Variants in ZNF592 observed in about 807,000 individuals in gnomAD.
The protein encoded by ZNF592 is spinocerebellar ataxia, autosomal recessive 5.
ZNF592 carries 11 observed loss-of-function variants against 80.3 expected under a neutral mutation model. The observed-to-expected ratio is 0.14, with a 90% CI of 0.09 to 0.23. The LOEUF (loss-of-function observed/expected upper bound fraction) is 0.23, where lower values mean the gene tolerates loss of function less well. Among genes scored for constraint, ZNF592 ranks in the 10% least tolerant of loss-of-function variants. The pLI, the probability that ZNF592 is intolerant of heterozygous loss-of-function variation, is 1.00. For missense variants in ZNF592, 1,420 were observed against 1,633.9 expected, an observed-to-expected ratio of 0.87 and a Z score of 2.26; for synonymous variants, 646 against 640.3, an observed-to-expected ratio of 1.01 and a Z score of -0.13.
In ZNF592 at chr15:84,752,114, T is replaced by C. The variant is rs144344968; in HGVS notation, c.-259+3450T>C. Reference sequence around the variant, plus strand: ...TATCCACGTTGCATCTCAGTCATACTGTGGTCATTTTGAATGAGATTAAAT... The same window carrying C: ...TATCCACGTTGCATCTCAGTCATACCGTGGTCATTTTGAATGAGATTAAAT... On this transcript the variant is annotated intron_variant, in intron 1 of 10. Coordinates refer to ENST00000560079, the MANE Select transcript of ZNF592 (RefSeq NM_014630.3). Among the ~76,000 whole-genome samples, 602 of 152,334 alleles carry C rather than the reference T, an allele frequency of 4.0e-3. 2 individuals are homozygous for C. Among genetic ancestry groups the C allele is most frequent in the African/African-American group, 0.014 (572 of 41,582 alleles).
At chr15:84,796,299 A>G (rs1173833016) in intron 5 of ZNF592, among the ~76,000 whole-genome samples, 2 of 128,678 alleles carry the variant, frequency 1.6e-5, no homozygotes, top group Admixed American at 7.8e-5. Context: ...ATATATAAAA[A>G]AACGAAGGGT....
intron 5 of ZNF592, among the ~76,000 whole-genome samples, chr15:84,793,070 A>C (rs1028181098): frequency 2.0e-5 from 3 of 152,048 alleles, no homozygotes; most frequent in African/African-American, 7.2e-5. Context: ...TCTTGAATCC[A>C]AGAAAAAAAA....
intron 5 of ZNF592, among the ~76,000 whole-genome samples, chr15:84,796,296 A>ATAT (rs1567076462): frequency 1.0e-4 from 4 of 40,134 alleles, no homozygotes; most frequent in East Asian, 1.0e-3. Flanking sequence ...TATATATATA[A>ATAT]AAAAACGAAG....
At chr15:84,793,027 A>G (rs1962793854) in intron 5 of ZNF592, among the ~76,000 whole-genome samples, 1 of 152,194 alleles carries the variant, frequency 6.6e-6, no homozygotes, top group Non-Finnish European at 1.5e-5. Flanking sequence ...ATCCAATAGT[A>G]ATACAATCAA....
chr15:84,784,944 G>T lies in ZNF592; in HGVS notation c.2220+49G>T, dbSNP rs142118629. 6 of 1,606,362 alleles carry T rather than the reference G, an allele frequency of 3.7e-6. No homozygotes were observed. The highest frequency in any genetic ancestry group is 1.7e-5 in the Admixed American group (1 of 59,980). ...GGTATCGGGCCCCTGGCTCACACAG[G>T]TTCCATGACTGGGCATGGAGAGGAA... On this transcript the variant is annotated intron_variant, in intron 4 of 10. Transcript: ENST00000560079. The surrounding 1 kb of genome is among the most constrained non-coding windows in gnomAD (Gnocchi z 5.8).
chr15:84,761,439 G>T (rs1276055441), intron 1 of ZNF592, among the ~76,000 whole-genome samples: 1 of 152,226 alleles, frequency 6.6e-6, no homozygotes, highest in East Asian at 1.9e-4. Context: ...GTGAGACTTG[G>T]TAATGGCGGG....
In ZNF592 at chr15:84,802,051, A is replaced by G. The variant is rs142492946; in HGVS notation, c.3462A>G (p.Gln1154=). 2,549 of 1,613,826 alleles carry G rather than the reference A, an allele frequency of 1.6e-3. 3 individuals are homozygous for G. The highest frequency in any genetic ancestry group is 2.0e-3 in the Non-Finnish European group (2,387 of 1,179,856). The change falls in exon 11 of 11, where the codon CAA becomes CAG. Residue 1154 remains glutamine, a synonymous_variant. Transcript: ENST00000560079. ...PQHQVDSSTA[Q]CLLCGLCYTS... ...ACCAGGTGGACAGCTCCACAGCCCAATGTCTCCTCTGTGGTTTGTGCTACA... is the reference window on the plus strand; with the variant it reads ...ACCAGGTGGACAGCTCCACAGCCCAGTGTCTCCTCTGTGGTTTGTGCTACA...
intron 1 of ZNF592, among the ~76,000 whole-genome samples, chr15:84,749,118 C>T (rs1367033375): frequency 2.0e-5 from 3 of 152,218 alleles, no homozygotes; most frequent in Non-Finnish European, 4.4e-5. Flanking sequence ...CTTCGGGGAA[C>T]GACCCTCTTT....
intron 2 of ZNF592, among the ~76,000 whole-genome samples, chr15:84,767,143 C>T (rs979487314): frequency 1.3e-5 from 2 of 152,232 alleles, no homozygotes; most frequent in East Asian, 3.9e-4. Context: ...TAGAGGCGTA[C>T]ACCACCACAC....
chr15:84,765,674 G>C lies in ZNF592; in HGVS notation c.-150+859G>C, dbSNP rs1295920316. ...CTGCCTCAGCCTCCTGAGTAGCTGG[G>C]ACTACAGGTGCATGCCACCATGCCC... On this transcript the variant is annotated intron_variant, in intron 2 of 10. Coordinates refer to ENST00000560079, the MANE Select transcript of ZNF592 (RefSeq NM_014630.3). Among the ~76,000 whole-genome samples, 13 of 151,576 alleles carry C rather than the reference G, an allele frequency of 8.6e-5. No individual in the cohort carries two copies. In the South Asian group the frequency reaches 2.5e-3, roughly 29 times the overall value.
At chr15:84,773,594 C>T (rs746371649) in intron 2 of ZNF592, among the ~76,000 whole-genome samples, 1 of 152,084 alleles carries the variant, frequency 6.6e-6, no homozygotes, top group African/African-American at 2.4e-5. Context: ...AGAAGATCTA[C>T]AGAGCACCCT....
At chr15:84,772,348 C>G (rs1197185164) in intron 2 of ZNF592, among the ~76,000 whole-genome samples, 1 of 152,122 alleles carries the variant, frequency 6.6e-6, no homozygotes, top group Non-Finnish European at 1.5e-5. Context: ...CCCTTGTCTG[C>G]TTCCATTCCT....
intron 3 of ZNF592, among the ~76,000 whole-genome samples, chr15:84,778,934 G>A (rs1451680448): frequency 6.6e-6 from 1 of 152,168 alleles, no homozygotes; most frequent in Non-Finnish European, 1.5e-5. Context: ...CGGCTCTGAT[G>A]AGTGGAGGAA....
chr15:84,760,013 G>T (rs1237121890), intron 1 of ZNF592, among the ~76,000 whole-genome samples: 1 of 141,148 alleles, frequency 7.1e-6, no homozygotes, highest in Non-Finnish European at 1.5e-5. Context: ...GAAAATTTGG[G>T]AACAATCAGG....
chr15:84,777,694 C>CCTTTTTTTTTTTTTTTTTTTTTT lies in ZNF592; in HGVS notation c.-149-489_-149-488insCTTTTTTTTTTTTTTTTTTTTTT, dbSNP rs1432630650. ...GAAAATAATTTCGTCTGTTGAGATA[C>CCTTTTTTTTTTTTTTTTTTTTTT]TTTTTTTTTTTTTTTTTTTTTTTGA... On this transcript the variant is annotated intron_variant, in intron 2 of 10. Transcript: ENST00000560079. Among the ~76,000 whole-genome samples the CCTTTTTTTTTTTTTTTTTTTTTT allele has an allele frequency of 6.1e-5, 6 of 98,414 alleles. 2 individuals are homozygous for CCTTTTTTTTTTTTTTTTTTTTTT. The highest frequency in any genetic ancestry group is 6.0e-5 in the Non-Finnish European group (3 of 50,148). The allele number at this position is 98,414 out of a possible 152,430, so 64.6% of individuals were successfully genotyped here. A position where few individuals can be genotyped will look rare whatever the true frequency, so the allele number is the denominator to read the frequency against.
chr15:84,776,610 G>A (rs553950457), intron 2 of ZNF592, among the ~76,000 whole-genome samples: 64 of 152,276 alleles, frequency 4.2e-4, no homozygotes, highest in African/African-American at 1.3e-3. Context: ...ACAAAAATTA[G>A]CCGGGCATGG....
intron 1 of ZNF592, chr15:84,753,194 A>C (rs1007095082): frequency 1.3e-5 from 2 of 152,230 alleles, no homozygotes; most frequent in African/African-American, 4.8e-5. Context: ...AAATATCAGA[A>C]AGGAGCGTTC....
Position 84,784,397 on chromosome 15 carries a change from G to A in ZNF592, c.1722G>A (p.Pro574=), listed in dbSNP as rs770802697. The A allele has an allele frequency of 5.6e-6, 9 of 1,614,174 alleles. No homozygotes were observed. Among genetic ancestry groups the A allele is most frequent in the East Asian group, 4.5e-5 (2 of 44,888 alleles). The change falls in exon 4 of 11, where the codon CCG becomes CCA. Residue 574 remains proline, a synonymous_variant. Coordinates refer to ENST00000560079, the MANE Select transcript of ZNF592 (RefSeq NM_014630.3). The surrounding 1 kb of genome is among the most constrained non-coding windows in gnomAD (Gnocchi z 5.8). ...PVPLYAPNLS[P]PADSRIHVPA... is the part of the protein sequence containing the mutation. ...CCCTCTATGCGCCAAATCTCAGCCC[G>A]CCTGCGGACAGCAGGATCCACGTGC... is the stretch of plus-strand genomic sequence containing the variant.
intron 2 of ZNF592, among the ~76,000 whole-genome samples, chr15:84,768,204 CT>C (rs1268299015): frequency 1.1e-5 from 1 of 94,730 alleles, no homozygotes; most frequent in Non-Finnish European, 3.0e-5. Context: ...TTCTTATCTT[CT>C]TTCCTTTTCT....
Sources: gnomAD v4.1 joint callset for allele counts (sites outside exome capture counted in the v4.1 genomes callset) on GRCh38, gnomAD v4.1.1 for gene constraint, Gnocchi (gnomAD v3.1) non-coding constraint, MANE v1.5 for transcripts, NCBI Gene and HGNC (gene_info 2026-07-23, HGNC 2026-07-21) for gene names.